The following ZNF141 variants were observed in gnomAD, a reference collection of about 807,000 sequenced individuals.
ZNF141 encodes the protein zinc finger protein 141 (clone pHZ-44).
ZNF141 carries 7 observed loss-of-function variants against 11.3 expected under a neutral mutation model. The observed-to-expected ratio is 0.62, with a 90% CI of 0.35 to 1.16. ZNF141 has a LOEUF of 1.16. ZNF141 is among the 50% of genes most tolerant of loss of function. The probability of loss-of-function intolerance (pLI) is 0.02; values close to 1 mark genes in which losing one functional copy is unlikely to be tolerated. For missense variants in ZNF141, 535 were observed against 554.0 expected (o/e 0.97, Z 0.34); for synonymous variants, 183 against 190.7 (o/e 0.96, Z 0.33).
Position 382,120 on chromosome 4 carries a change from G to A in ZNF141, c.*8258G>A, listed in dbSNP as rs1162563326. On this transcript the variant is annotated 3_prime_UTR_variant, in exon 4 of 4. Coordinates refer to ENST00000240499, the MANE Select transcript of ZNF141 (RefSeq NM_003441.4). ...GCTACCATGCCCGGCTAATTTTTTTGTATTTTTAGTAGAGACGGGGTTTCA... is the reference window on the plus strand; with the variant it reads ...GCTACCATGCCCGGCTAATTTTTTTATATTTTTAGTAGAGACGGGGTTTCA... Among the ~76,000 whole-genome samples, 1 of 151,626 alleles carries A rather than the reference G, an allele frequency of 6.6e-6. No homozygotes were observed. Among genetic ancestry groups the A allele is most frequent in the East Asian group, 1.9e-4 (1 of 5,142 alleles).
rs1483263372 is a variant in ZNF141 at position 374,510 on chromosome 4, C to G, written c.*648C>G. The G allele has an allele frequency of 2.6e-5, 5 of 196,040 alleles. No individual in the cohort carries two copies. The highest frequency in any genetic ancestry group is 2.1e-4 in the Admixed American group (4 of 19,142). The allele number at this position is 196,040 out of a possible 1,614,324, so 12.1% of individuals were successfully genotyped here. ...ATAGGTTCTCAACCCTTACTGTGCA[C>G]AAGATAATTCATTCTGGGGAAAAAA... On this transcript the variant is annotated 3_prime_UTR_variant, in exon 4 of 4. Coordinates refer to ENST00000240499, the MANE Select transcript of ZNF141 (RefSeq NM_003441.4).
intron 3 of ZNF141, among the ~76,000 whole-genome samples, chr4:369,838 C>T (rs1215842546): frequency 7.1e-6 from 1 of 141,294 alleles, no homozygotes; most frequent in African/African-American, 2.7e-5. Context: ...ATGATCTCAG[C>T]TCACTGCAAC....
intron 3 of ZNF141, among the ~76,000 whole-genome samples, chr4:365,849 T>G (rs781900015): frequency 6.6e-6 from 1 of 152,238 alleles, no homozygotes; most frequent in Non-Finnish European, 1.5e-5. Flanking sequence ...ATTTTTTGAT[T>G]ATCATGTAGG....
intron 3 of ZNF141, 116 bp downstream of exon 3, chr4:344,546 A>G: frequency 1.2e-6 from 1 of 802,864 alleles, no homozygotes; most frequent in Non-Finnish European, 1.9e-6. Flanking sequence ...CTGTAATCCA[A>G]GGACTTTGGG....
At chr4:361,681 T>C (rs567388607) in intron 3 of ZNF141, among the ~76,000 whole-genome samples, 1 of 152,320 alleles carries the variant, frequency 6.6e-6, no homozygotes, top group African/African-American at 2.4e-5. Flanking sequence ...TCCATCTTCA[T>C]CCATGTCCCT....
At position 384,106 on chromosome 4, in the gene ZNF141, GGTA is replaced by G. The variant is rs1712801264; in HGVS notation, c.*10245_*10247del. On this transcript the variant is annotated 3_prime_UTR_variant, in exon 4 of 4. Transcript: ENST00000240499. ...CAGGTATATGTGGATGCATGTGATT[GGTA>G]CTTAAACTCACACAGTGCCCCATAC... 6.6e-6 allele frequency: 1 copy of G among 152,190 alleles called. No homozygotes were observed. Among genetic ancestry groups the G allele is most frequent in the Non-Finnish European group, 1.5e-5 (1 of 68,060 alleles). 9.4% of individuals were successfully genotyped at this position (152,190 alleles called of 1,614,324 possible).
intron 3 of ZNF141, among the ~76,000 whole-genome samples, chr4:349,576 CA>C (rs1721494766): frequency 6.6e-6 from 1 of 152,126 alleles, no homozygotes; most frequent in African/African-American, 2.4e-5. Context: ...CCTGTGTCTG[CA>C]TTTGACAAAT....
At chr4:338,084 G>A in intron 1 of ZNF141, 98 bp downstream of exon 1, 2 of 1,550,070 alleles carry the variant, frequency 1.3e-6, no homozygotes, top group Non-Finnish European at 1.8e-6. Context: ...AGTCCCCGCT[G>A]CCGCCGCTCA....
At chr4:352,607 C>G (rs1381013197) in intron 3 of ZNF141, among the ~76,000 whole-genome samples, 1 of 152,102 alleles carries the variant, frequency 6.6e-6, no homozygotes, top group African/African-American at 2.4e-5. Flanking sequence ...TCTTCAAAAT[C>G]ATAGTGAAAA....
intron 1 of ZNF141, among the ~76,000 whole-genome samples, chr4:341,708 C>G (rs534310680): frequency 3.9e-5 from 6 of 152,282 alleles, no homozygotes; most frequent in African/African-American, 1.4e-4. Context: ...TGATCCTTGT[C>G]CAGGTCTGAG....
intron 3 of ZNF141, among the ~76,000 whole-genome samples, chr4:347,333 G>A (rs1485836022): frequency 4.8e-5 from 7 of 144,960 alleles, no homozygotes; most frequent in South Asian, 2.2e-4. Context: ...CACCACGCCC[G>A]GCCAAGTTTT....
chr4:364,313 T>G (rs1274148492), intron 3 of ZNF141, among the ~76,000 whole-genome samples: 1 of 152,222 alleles, frequency 6.6e-6, no homozygotes, highest in Non-Finnish European at 1.5e-5. Context: ...TGTGAATTCA[T>G]CTGGTCCTGG....
In ZNF141 at chr4:380,295, A is replaced by G. The variant is rs1171735839; in HGVS notation, c.*6433A>G. ...TAAAGCATGTATTGGAATTCCGTAT[A>G]TACATGTTTTAGTAATAGTTGATTT... On this transcript the variant is annotated 3_prime_UTR_variant, in exon 4 of 4. Coordinates refer to ENST00000240499, the MANE Select transcript of ZNF141 (RefSeq NM_003441.4). 1.3e-5 allele frequency among the ~76,000 whole-genome samples: 2 copies of G among 152,222 alleles called. No individual in the cohort carries two copies. The highest frequency in any genetic ancestry group is 4.8e-5 in the African/African-American group (2 of 41,448).
At chr4:344,460 C>A (rs1337833015) in intron 3 of ZNF141, 30 bp downstream of exon 3, 3 of 1,581,152 alleles carry the variant, frequency 1.9e-6, no homozygotes, top group Admixed American at 3.4e-5. Flanking sequence ...GGAGAGGGCA[C>A]AGGCAAGGGG....
Position 374,045 on chromosome 4 carries a change from A to G in ZNF141, c.*183A>G. 1 of 643,938 alleles carries G rather than the reference A, an allele frequency of 1.6e-6. No homozygotes were observed. Among genetic ancestry groups the G allele is most frequent in the African/African-American group, 1.8e-5 (1 of 54,772 alleles). 39.9% of individuals were successfully genotyped at this position (643,938 alleles called of 1,614,324 possible). On this transcript the variant is annotated 3_prime_UTR_variant, in exon 4 of 4. Coordinates refer to ENST00000240499, the MANE Select transcript of ZNF141 (RefSeq NM_003441.4). ...TTCATACCGGAGAGAAACTGTACAA[A>G]TGTGAAGAATATGGCAAAGCCTGTG...
Position 378,569 on chromosome 4 carries a change from G to C in ZNF141, c.*4707G>C, listed in dbSNP as rs1261260392. Among the ~76,000 whole-genome samples the C allele has an allele frequency of 6.6e-6, 1 of 152,048 alleles. No individual in the cohort carries two copies. ...AGGCATGAGCCACCGTGCCTGGCCA[G>C]AATATTATATCTTTGAGTGTGAATG... On this transcript the variant is annotated 3_prime_UTR_variant, in exon 4 of 4. Transcript: ENST00000240499.
intron 3 of ZNF141, among the ~76,000 whole-genome samples, chr4:364,961 C>T (rs1312587501): frequency 6.6e-6 from 1 of 152,234 alleles, no homozygotes; most frequent in Non-Finnish European, 1.5e-5. Context: ...GGCAACTGGC[C>T]TTGTTGAGAT....
chr4:348,922 C>T (rs1298032518), intron 3 of ZNF141, among the ~76,000 whole-genome samples: 5 of 152,048 alleles, frequency 3.3e-5, no homozygotes, highest in African/African-American at 1.2e-4. Flanking sequence ...TATTCTTTGA[C>T]AATATTAGTT....
intron 3 of ZNF141, among the ~76,000 whole-genome samples, chr4:366,204 T>G (rs1711733394): frequency 6.6e-6 from 1 of 152,220 alleles, no homozygotes; most frequent in Non-Finnish European, 1.5e-5. Flanking sequence ...TGGCATTGAA[T>G]CTGTAGATCA....
Sources: allele counts gnomAD v4.1 joint callset (sites outside exome capture counted in the v4.1 genomes callset), GRCh38; gene constraint gnomAD v4.1.1; transcripts MANE v1.5; gene names NCBI Gene and HGNC (gene_info 2026-07-23, HGNC 2026-07-21).